Variants in WDR59 observed in about 807,000 individuals in gnomAD.
WDR59 encodes GATOR2 complex protein WDR59.
WDR59 carries 100 observed loss-of-function variants against 131.2 expected under a neutral mutation model. The ratio of observed to expected loss-of-function variants is 0.76; its 90% CI spans 0.65 to 0.90. The LOEUF (loss-of-function observed/expected upper bound fraction) is 0.90. WDR59 is among the 40% of genes least tolerant of loss of function. WDR59 has a pLI of 0.00. For missense variants in WDR59, 1,203 were observed against 1,262.2 expected (o/e 0.95, Z 0.71); for synonymous variants, 601 against 466.2 (o/e 1.29, Z -3.72).
At chr16:74,979,468 A>G (rs201704536) in intron 1 of WDR59, among the ~76,000 whole-genome samples, 54 of 938 alleles carry the variant, frequency 0.058, no homozygotes, top group South Asian at 0.083. Flanking sequence ...TCTGTCTCAA[A>G]ACAAAACAAA....
intron 8 of WDR59, among the ~76,000 whole-genome samples, chr16:74,936,862 G>A (rs2031842145): frequency 6.6e-6 from 1 of 151,800 alleles, no homozygotes; most frequent in Admixed American, 6.6e-5. Flanking sequence ...AAAATCAAAC[G>A]TAATACGAAC....
chr16:74,971,426 CTTTTTTTTT>C (rs58120924), intron 1 of WDR59, among the ~76,000 whole-genome samples: 4 of 90,178 alleles, frequency 4.4e-5, no homozygotes, highest in African/African-American at 1.4e-4. Context: ...TCTTTCCTTC[CTTTTTTTTT>C]TTTTTTTTTT....
chr16:74,958,868 G>A (rs995351944), intron 2 of WDR59, among the ~76,000 whole-genome samples: 3 of 151,620 alleles, frequency 2.0e-5, no homozygotes, highest in African/African-American at 7.3e-5. Context: ...TTCGAGACTA[G>A]CCCGACCAAC....
In WDR59 at chr16:74,872,719, C is replaced by T. The variant is rs1964033115; in HGVS notation, c.*1490G>A. On this transcript the variant is annotated 3_prime_UTR_variant, in exon 26 of 26. Transcript: ENST00000262144. Reference sequence around the variant, plus strand: ...TGAGGGCACTCACTGGAACCCAGCCCATCTGAACAGAGGCAAGGAAGACTT... The same window carrying T: ...TGAGGGCACTCACTGGAACCCAGCCTATCTGAACAGAGGCAAGGAAGACTT... 2 of 152,180 alleles carry T rather than the reference C, an allele frequency of 1.3e-5. No individual in the cohort carries two copies. Among genetic ancestry groups the T allele is most frequent in the African/African-American group, 4.8e-5 (2 of 41,402 alleles). The allele number at this position is 152,180 out of a possible 1,614,324, so 9.4% of individuals were successfully genotyped here.
intron 2 of WDR59, chr16:74,959,698 C>T (rs867504395): frequency 6.3e-5 from 19 of 299,772 alleles, no homozygotes; most frequent in South Asian, 4.1e-4. Context: ...GGGAGGATTG[C>T]TTGCCCAGCA....
At chr16:74,926,031 T>C (rs1390642893) in intron 8 of WDR59, among the ~76,000 whole-genome samples, 2 of 149,880 alleles carry the variant, frequency 1.3e-5, no homozygotes, top group Non-Finnish European at 3.0e-5. Context: ...TATCAGACTA[T>C]ATGGAAAACA....
chr16:74,924,679 A>G (rs541471135), intron 8 of WDR59, among the ~76,000 whole-genome samples: 1 of 152,356 alleles, frequency 6.6e-6, no homozygotes, highest in East Asian at 1.9e-4. Flanking sequence ...TTAGAACTCC[A>G]GCATTTGTCA....
intron 17 of WDR59, chr16:74,904,454 A>C: frequency 5.2e-6 from 1 of 193,968 alleles, no homozygotes; most frequent in Non-Finnish European, 1.1e-5. Flanking sequence ...AACACGTCAA[A>C]TACCTAGGAA....
intron 25 of WDR59, among the ~76,000 whole-genome samples, chr16:74,880,165 C>T (rs768609421): frequency 7.2e-5 from 11 of 151,796 alleles, no homozygotes; most frequent in South Asian, 2.1e-4. Flanking sequence ...AGGTATGATA[C>T]GGCCGGGTGC....
intron 1 of WDR59, among the ~76,000 whole-genome samples, chr16:74,975,969 A>G (rs2034163311): frequency 6.6e-6 from 1 of 152,086 alleles, no homozygotes; most frequent in Non-Finnish European, 1.5e-5. Context: ...TGGGCAACAC[A>G]GTGAGACCCC....
At chr16:74,927,904 C>CTTT (rs199671092) in intron 8 of WDR59, among the ~76,000 whole-genome samples, 18 of 137,934 alleles carry the variant, frequency 1.3e-4, no homozygotes, top group African/African-American at 4.7e-4. Context: ...TTTATTCTTT[C>CTTT]TTTCTTTTTT....
intron 6 of WDR59, 36 bp from the exon 7 acceptor site, chr16:74,942,862 T>C (rs1475036982): frequency 1.3e-6 from 2 of 1,599,126 alleles, no homozygotes; most frequent in South Asian, 1.1e-5. Flanking sequence ...GCTGCTGCCC[T>C]TGGTGCTTTC....
At position 74,906,313 on chromosome 16, in the gene WDR59, C is replaced by CAAAAAAAAAAAAAAAAAAAAAAA. The variant is rs762288713; in HGVS notation, c.1713-2214_1713-2213insTTTTTTTTTTTTTTTTTTTTTTT. On this transcript the variant is annotated intron_variant, in intron 17 of 25. Transcript: ENST00000262144. The stretch of plus-strand genomic sequence containing the variant: ...TGAGCGACAGAGCAAGACTCCGTCT[C>CAAAAAAAAAAAAAAAAAAAAAAA]AAAAAAAAAAAAACCCACAGTGAGA... Among the ~76,000 whole-genome samples, 208 of 32,444 alleles carry CAAAAAAAAAAAAAAAAAAAAAAA rather than the reference C, an allele frequency of 6.4e-3. 41 individuals carry two copies. The highest frequency in any genetic ancestry group is 0.022 in the African/African-American group (197 of 8,886). 21.3% of individuals were successfully genotyped at this position (32,444 alleles called of 152,430 possible).
In WDR59 at chr16:74,888,215, G is replaced by C; in HGVS notation, c.2300C>G (p.Pro767Arg). 3 of 1,613,914 alleles carry C rather than the reference G, an allele frequency of 1.9e-6. No individual in the cohort carries two copies. The highest frequency in any genetic ancestry group is 1.7e-6 in the Non-Finnish European group (2 of 1,179,958). The change falls in exon 22 of 26, where the codon CCT becomes CGT. Residue 767 changes from proline (P) to arginine (R), a missense_variant. Pro to Arg is a moderately radical substitution (Grantham distance 103). Coordinates refer to ENST00000262144, the MANE Select transcript of WDR59 (RefSeq NM_030581.4). ...RPQGLPNPFG[P>R]FPNRSSNLVV... ...AAGATTAGAAGAACGGTTAGGAAAA[G>C]GCCCAAAGGGGTTTGGTAGCCCCTG...
chr16:74,972,984 G>A (rs948842868), intron 1 of WDR59, among the ~76,000 whole-genome samples: 1 of 151,964 alleles, frequency 6.6e-6, no homozygotes, highest in African/African-American at 2.4e-5. Context: ...TGTAATCCCA[G>A]CACTTTGGGA....
rs568254212 is a variant in WDR59 at position 74,959,470 on chromosome 16, A to C, written c.105-2860T>G. 15 of 438,286 alleles carry C rather than the reference A, an allele frequency of 3.4e-5. No homozygotes were observed. In the East Asian group the frequency reaches 1.1e-3, roughly 32 times the overall value. 27.1% of individuals were successfully genotyped at this position (438,286 alleles called of 1,614,324 possible). ...GATAGGGACTAATGCAACAGAAAGG[A>C]AAAAAGCCTTCATGGTTGGAAGCAG... is the stretch of plus-strand genomic sequence containing the variant. On this transcript the variant is annotated intron_variant, in intron 2 of 25. Transcript: ENST00000262144.
chr16:74,973,255 T>A (rs182423209), intron 1 of WDR59, among the ~76,000 whole-genome samples: 3 of 150,730 alleles, frequency 2.0e-5, no homozygotes, highest in Non-Finnish European at 4.4e-5. Context: ...AACCATAAAA[T>A]TATACATGAA....
chr16:74,966,860 A>C (rs1280750247), intron 1 of WDR59, among the ~76,000 whole-genome samples: 1 of 152,194 alleles, frequency 6.6e-6, no homozygotes, highest in Admixed American at 6.5e-5. Flanking sequence ...TCTAACTCCC[A>C]AGAGACTGCA....
intron 2 of WDR59, among the ~76,000 whole-genome samples, chr16:74,962,635 T>C (rs2033609944): frequency 6.6e-6 from 1 of 152,166 alleles, no homozygotes; most frequent in African/African-American, 2.4e-5. Flanking sequence ...ACATTGATTT[T>C]GTATCCTGAA....
Sources: allele counts gnomAD v4.1 joint callset (sites outside exome capture counted in the v4.1 genomes callset), GRCh38; gene constraint gnomAD v4.1.1; transcripts MANE v1.5; gene names NCBI Gene and HGNC (gene_info 2026-07-23, HGNC 2026-07-21).